The following PRKX variants were observed in gnomAD, a reference collection of about 807,000 sequenced individuals.
The protein encoded by PRKX is protein kinase cAMP-dependent X-linked catalytic subunit.
A neutral mutation model predicts 22.0 loss-of-function variants in PRKX; 12 were observed. The observed-to-expected ratio is 0.54, with a 90% CI of 0.35 to 0.88. The LOEUF is 0.88. Among genes scored for constraint, PRKX ranks in the 40% least tolerant of loss-of-function variants. The pLI, the probability that PRKX is intolerant of heterozygous loss-of-function variation, is 0.01. For synonymous variants in PRKX, 134 were observed against 137.7 expected (o/e 0.97, Z 0.19); for missense variants, 217 against 308.0 (o/e 0.70, Z 2.21).
chrX:3,615,411 A>G (rs1347784285), intron 7 of PRKX, among the ~76,000 whole-genome samples: 1 of 111,696 alleles, frequency 9.0e-6, no homozygotes, highest in Non-Finnish European at 1.9e-5. Flanking sequence ...AACGATGACC[A>G]TGGTGCTAGA....
chrX:3,671,728 CTA>C (rs1927850591), intron 2 of PRKX, among the ~76,000 whole-genome samples: 1 of 111,412 alleles, frequency 9.0e-6, no homozygotes, highest in African/African-American at 3.3e-5. Context: ...TGGCTCACAT[CTA>C]TAATCTCAGC....
intron 6 of PRKX, among the ~76,000 whole-genome samples, chrX:3,616,207 G>A (rs374544782): frequency 1.8e-5 from 2 of 111,275 alleles, no homozygotes; most frequent in African/African-American, 6.6e-5. Flanking sequence ...ACAGCCAGTA[G>A]TTTCTCAGTT....
Position 3,612,989 on chromosome X carries a change from G to A in PRKX, c.952-664C>T, listed in dbSNP as rs370962543. ...CCCATGGAGAAACCCTGTCTCTACC[G>A]AAAAGACAAAAATTAGCCGGGCATA... On this transcript the variant is annotated intron_variant, in intron 7 of 8. Coordinates refer to ENST00000262848, the MANE Select transcript of PRKX (RefSeq NM_005044.5). Among the ~76,000 whole-genome samples, 18 of 106,629 alleles carry A rather than the reference G, an allele frequency of 1.7e-4. No homozygotes were observed. In the East Asian group the frequency reaches 2.7e-3, roughly 16 times the overall value. The allele number at this position is 106,629 out of a possible 115,157, so 92.6% of individuals were successfully genotyped here.
chrX:3,689,829 T>G (rs1225186050), intron 1 of PRKX, among the ~76,000 whole-genome samples: 1 of 110,847 alleles, frequency 9.0e-6, no homozygotes, highest in Admixed American at 9.6e-5. Flanking sequence ...TACAAAAAAT[T>G]AGCCGAGTGT....
At chrX:3,691,552 C>T (rs574699924) in intron 1 of PRKX, among the ~76,000 whole-genome samples, 2 of 110,395 alleles carry the variant, frequency 1.8e-5, no homozygotes, top group Non-Finnish European at 3.8e-5. Context: ...AGGACTCCCC[C>T]GAATTACCCT....
chrX:3,621,339 A>G (rs1299473579), intron 5 of PRKX, 23 bp from the exon 6 acceptor site: 3 of 1,173,281 alleles, frequency 2.6e-6, no homozygotes, highest in Non-Finnish European at 3.5e-6. Flanking sequence ...AGGAGACAAA[A>G]AAAAAAAAAG....
chrX:3,666,210 A>G (rs759639963), intron 2 of PRKX, among the ~76,000 whole-genome samples: 61 of 96,854 alleles, frequency 6.3e-4, no homozygotes, highest in African/African-American at 2.2e-3. Context: ...GCTGGAGTGC[A>G]GTGGTGCGAT....
intron 1 of PRKX, among the ~76,000 whole-genome samples, chrX:3,689,771 A>G (rs1341212619): frequency 1.8e-5 from 2 of 111,782 alleles, no homozygotes; most frequent in South Asian, 3.7e-4. Flanking sequence ...AGGTCAGGAG[A>G]TCGAGACCAT....
At chrX:3,712,942 G>A (rs1271517223) in intron 1 of PRKX, 146 bp downstream of exon 1, 8 of 707,086 alleles carry the variant, frequency 1.1e-5, no homozygotes, top group Non-Finnish European at 1.3e-5. Flanking sequence ...CGGGGCGCAG[G>A]TGCAGCCCCG....
chrX:3,652,287 G>A lies in PRKX; in HGVS notation c.599+2862C>T, dbSNP rs112140096. Among the ~76,000 whole-genome samples, 16 of 110,821 alleles carry A rather than the reference G, an allele frequency of 1.4e-4. No individual in the cohort carries two copies. The South Asian group carries it at 1.6e-3, about 11-fold the overall frequency. ...CAAAAAATTAGCCGGGCGTGGTGGC[G>A]GGCGCCCGTAGTCCCAGCTACTTGG... On this transcript the variant is annotated intron_variant, in intron 3 of 8. Coordinates refer to ENST00000262848, the MANE Select transcript of PRKX (RefSeq NM_005044.5).
At chrX:3,696,100 C>T (rs2146608255) in intron 1 of PRKX, among the ~76,000 whole-genome samples, 1 of 110,618 alleles carries the variant, frequency 9.0e-6, no homozygotes, top group African/African-American at 3.3e-5. Flanking sequence ...GAGGGTGGAG[C>T]CTCATGAATG....
At chrX:3,614,871 C>A (rs1316905357) in intron 7 of PRKX, among the ~76,000 whole-genome samples, 2 of 110,303 alleles carry the variant, frequency 1.8e-5, no homozygotes, top group African/African-American at 6.6e-5. Context: ...CAAAATATAA[C>A]ATGTACCCCC....
At chrX:3,612,458 C>T (rs991834777) in intron 7 of PRKX, 133 bp from the exon 8 acceptor site, 7 of 757,425 alleles carry the variant, frequency 9.2e-6, no homozygotes, top group Non-Finnish European at 1.2e-5. Context: ...GCTGTCTTCC[C>T]TTCATTTATG....
At chrX:3,653,799 A>T (rs187475538) in intron 3 of PRKX, among the ~76,000 whole-genome samples, 367 of 25,358 alleles carry the variant, frequency 0.014, 1 homozygote, top group African/African-American at 0.022. Flanking sequence ...GATATATATA[A>T]TATATATTAT....
rs778565972 is a variant in PRKX at position 3,657,546 on chromosome X, T to C, written c.336-2134A>G. 2.2e-3 allele frequency among the ~76,000 whole-genome samples: 253 copies of C among 112,534 alleles called. 1 individual carries two copies. Among genetic ancestry groups the C allele is most frequent in the African/African-American group, 7.6e-3 (234 of 30,983 alleles). On this transcript the variant is annotated intron_variant, in intron 2 of 8. Coordinates refer to ENST00000262848, the MANE Select transcript of PRKX (RefSeq NM_005044.5). The stretch of plus-strand genomic sequence containing the variant: ...TTAATCCACACCGTCTATGCTACTT[T>C]GTTATGGCAGCACTAACTAACTAAC...
At chrX:3,648,994 G>T (rs1389457579) in intron 3 of PRKX, among the ~76,000 whole-genome samples, 2 of 111,533 alleles carry the variant, frequency 1.8e-5, no homozygotes, top group Admixed American at 1.9e-4. Context: ...AAAAAGAGCT[G>T]TTGCAGAGAA....
chrX:3,612,182 A>G lies in PRKX; in HGVS notation c.*18T>C. On this transcript the variant is annotated 3_prime_UTR_variant, in exon 8 of 9. Coordinates refer to ENST00000262848, the MANE Select transcript of PRKX (RefSeq NM_005044.5). ...TACTAAATATAAAGATATACCTTCCAGATGTGAGCTCCTGTCCTCAGAAAT... is the reference window on the plus strand; with the variant it reads ...TACTAAATATAAAGATATACCTTCCGGATGTGAGCTCCTGTCCTCAGAAAT... The G allele has an allele frequency of 1.7e-6, 2 of 1,203,923 alleles. No individual in the cohort carries two copies. Among genetic ancestry groups the G allele is most frequent in the Middle Eastern group, 2.3e-4 (1 of 4,308 alleles).
chrX:3,659,821 T>C (rs1425614902), intron 2 of PRKX, among the ~76,000 whole-genome samples: 13 of 104,085 alleles, frequency 1.2e-4, no homozygotes, highest in African/African-American at 4.3e-4. Flanking sequence ...GCCTCCCGAG[T>C]TCAAGTGATT....
chrX:3,644,733 G>T (rs960297286), intron 3 of PRKX, among the ~76,000 whole-genome samples: 1 of 111,973 alleles, frequency 8.9e-6, no homozygotes, highest in Non-Finnish European at 1.9e-5. Context: ...CATTCTGCAA[G>T]ACGAGCGACT....
Sources: gnomAD v4.1 joint callset for allele counts (sites outside exome capture counted in the v4.1 genomes callset) on GRCh38, gnomAD v4.1.1 for gene constraint, MANE v1.5 for transcripts, NCBI Gene and HGNC (gene_info 2026-07-23, HGNC 2026-07-21) for gene names.